The following FN3K variants were observed in gnomAD, a reference collection of about 807,000 sequenced individuals.
FN3K encodes fructosamine-3-kinase.
A neutral mutation model predicts 24.8 loss-of-function variants in FN3K; 24 were observed. That is an observed-to-expected ratio of 0.97 (90% CI 0.70 to 1.36). FN3K has a LOEUF of 1.36. FN3K is among the 40% of genes most tolerant of loss of function. The pLI is 0.00. For synonymous variants in FN3K, 192 were observed against 175.2 expected (o/e 1.10, Z -0.76); for missense variants, 449 against 416.7 (o/e 1.08, Z -0.67).
chr17:82,738,783 C>CT, intron 2 of FN3K, 143 bp downstream of exon 2: 1 of 1,019,842 alleles, frequency 9.8e-7, no homozygotes. Context: ...GTCCACACAA[C>CT]TGCCCGGTTA....
chr17:82,738,681 CAG>C (rs1306822474), intron 2 of FN3K, 41 bp downstream of exon 2: 4 of 1,607,830 alleles, frequency 2.5e-6, no homozygotes, highest in Non-Finnish European at 2.6e-6. Flanking sequence ...TGTGTACAGG[CAG>C]AGAGAGACTC....
chr17:82,747,465 A>C (rs1300511535), intron 4 of FN3K, among the ~76,000 whole-genome samples: 1 of 152,176 alleles, frequency 6.6e-6, no homozygotes, highest in East Asian at 1.9e-4. Context: ...CAATGGCACA[A>C]TCTCAGCTCA....
intron 4 of FN3K, 32 bp from the exon 5 acceptor site, chr17:82,748,823 G>C: frequency 6.2e-7 from 1 of 1,609,592 alleles, no homozygotes; most frequent in South Asian, 1.1e-5. Flanking sequence ...GCTCCGAATT[G>C]CAACAGTGGC....
At chr17:82,742,870 G>A (rs572906741) in intron 4 of FN3K, 12 of 361,636 alleles carry the variant, frequency 3.3e-5, no homozygotes, top group South Asian at 8.4e-5. Flanking sequence ...GGGTCCCTGC[G>A]AACAATGACC....
At chr17:82,739,162 G>C (rs564717878) in intron 2 of FN3K, among the ~76,000 whole-genome samples, 1 of 151,588 alleles carries the variant, frequency 6.6e-6, no homozygotes, top group East Asian at 1.9e-4. Flanking sequence ...TGGCTGAGTT[G>C]GTCTCAAACT....
chr17:82,740,962 A>G (rs1481937401), intron 3 of FN3K, 108 bp downstream of exon 3: 1 of 766,194 alleles, frequency 1.3e-6, no homozygotes, highest in Non-Finnish European at 2.3e-6. Context: ...TGAGTTGTAT[A>G]CCGTCTGTCT....
rs748274671 is a variant in FN3K, at chr17:82,735,699, C to T, written c.63C>T (p.Gly21=). 6.5e-7 allele frequency: 1 copy of T among 1,545,632 alleles called. No homozygotes were observed. The highest frequency in any genetic ancestry group is 8.7e-7 in the Non-Finnish European group (1 of 1,147,882). ...CCCTGCGGGCCTTCGGCGGCCCCGG[C>T]GCCGGCTGCATCAGCGAGGGCCGAG... ...TATLRAFGGP[G]AGCISEGRAY... The change falls in exon 1 of 6, where the codon GGC becomes GGT. Residue 21 remains glycine (G), a synonymous_variant. Transcript: ENST00000300784.
Position 82,736,536 on chromosome 17 carries a change from C to CA in FN3K, c.141+771dup, listed in dbSNP as rs1047066885. On this transcript the variant is annotated intron_variant, in intron 1 of 5. Transcript: ENST00000300784. ...GGGCAACAAGAGGGAAACTCCGTCT[C>CA]AAAAAAAAAAAAGTATGGAAAATGT... 5.4e-3 allele frequency: 773 copies of CA among 143,322 alleles called. 7 individuals carry two copies. The highest frequency in any genetic ancestry group is 0.014 in the African/African-American group (543 of 39,026). 8.9% of individuals were successfully genotyped at this position (143,322 alleles called of 1,614,324 possible).
chr17:82,738,948 T>A (rs1482208231), intron 2 of FN3K, among the ~76,000 whole-genome samples: 1,123 of 80,606 alleles, frequency 0.014, 21 homozygotes, highest in East Asian at 0.026. Context: ...ATATATATAT[T>A]TTTTTTTTTT....
intron 5 of FN3K, 70 bp downstream of exon 5, chr17:82,749,047 C>A: frequency 6.2e-7 from 1 of 1,606,070 alleles, no homozygotes; most frequent in South Asian, 1.1e-5. Flanking sequence ...TGTGCGGGTT[C>A]ATCTGTAAAA....
chr17:82,749,134 A>G, intron 5 of FN3K, 157 bp downstream of exon 5: 2 of 1,171,026 alleles, frequency 1.7e-6, no homozygotes, highest in East Asian at 2.6e-5. Context: ...GGTTCCCCCA[A>G]AAGGGAGTCC....
intron 4 of FN3K, among the ~76,000 whole-genome samples, chr17:82,748,251 G>A (rs4789838): frequency 0.12 from 18,380 of 151,662 alleles, 1,419 homozygotes; most frequent in Admixed American, 0.18. Flanking sequence ...GGGTTCAAGC[G>A]ATTCTCCTAC....
chr17:82,750,879 TC>T lies in FN3K; in HGVS notation c.*126del. ...GTTCCCGTCTCCCCGTCCCTCCGTC[TC>T]CATCCCCCCGTCCCCCCATCCTCCT... is the stretch of plus-strand genomic sequence containing the variant. On this transcript the variant is annotated 3_prime_UTR_variant, in exon 6 of 6. Coordinates refer to ENST00000300784, the MANE Select transcript of FN3K (RefSeq NM_022158.4). The T allele has an allele frequency of 2.0e-6, 1 of 502,832 alleles. No homozygotes were observed. Among genetic ancestry groups the T allele is most frequent in the African/African-American group, 3.8e-5 (1 of 26,220 alleles). 31.1% of individuals were successfully genotyped at this position (502,832 alleles called of 1,614,324 possible).
At chr17:82,740,474 C>A (rs2046935110) in intron 2 of FN3K, among the ~76,000 whole-genome samples, 1 of 149,468 alleles carries the variant, frequency 6.7e-6, no homozygotes, top group South Asian at 2.1e-4. Flanking sequence ...GGCATGTGGT[C>A]CCAGCTAGTT....
intron 4 of FN3K, chr17:82,741,635 A>G: frequency 2.1e-6 from 1 of 474,374 alleles, no homozygotes; most frequent in South Asian, 2.0e-5. Context: ...GCGAGCCTCA[A>G]GTGCAAAGGT....
intron 4 of FN3K, among the ~76,000 whole-genome samples, chr17:82,742,100 G>T (rs1445646877): frequency 1.3e-5 from 2 of 152,154 alleles, no homozygotes; most frequent in Non-Finnish European, 2.9e-5. Flanking sequence ...TAGAGACGGG[G>T]TTTCATGTTG....
At chr17:82,739,798 C>CA (rs2046930753) in intron 2 of FN3K, among the ~76,000 whole-genome samples, 1 of 152,156 alleles carries the variant, frequency 6.6e-6, no homozygotes. Flanking sequence ...AGACTGGTCT[C>CA]AAACTCCTGA....
intron 4 of FN3K, chr17:82,742,777 T>C (rs2046948010): frequency 2.2e-6 from 1 of 448,824 alleles, no homozygotes; most frequent in Non-Finnish European, 4.4e-6. Context: ...ACCCATTATA[T>C]AAGAGCTAGT....
At chr17:82,745,083 T>TG (rs2046961271) in intron 4 of FN3K, 1 of 153,526 alleles carries the variant, frequency 6.5e-6, no homozygotes, top group South Asian at 2.1e-4. Flanking sequence ...CCTTTATGGG[T>TG]GTCGGGCTGG....
Sources: allele counts gnomAD v4.1 joint callset (sites outside exome capture counted in the v4.1 genomes callset), GRCh38; gene constraint gnomAD v4.1.1; transcripts MANE v1.5; gene names NCBI Gene and HGNC (gene_info 2026-07-23, HGNC 2026-07-21).